The following TENM3 variants were observed in gnomAD, a reference collection of about 807,000 sequenced individuals.
The protein encoded by TENM3 is teneurin transmembrane protein 3, also known as teneurin-3.
A neutral mutation model predicts 255.1 loss-of-function variants in TENM3; 63 were observed. That is an observed-to-expected ratio of 0.25 (90% CI 0.20 to 0.30). TENM3 has a LOEUF of 0.30. Among genes scored for constraint, TENM3 ranks in the 10% least tolerant of loss-of-function variants. The pLI is 1.00. For missense variants in TENM3, 2,929 were observed against 3,461.1 expected, an observed-to-expected ratio of 0.85 and a Z score of 3.86; for synonymous variants, 1,306 against 1,322.3, an observed-to-expected ratio of 0.99 and a Z score of 0.27.
At chr4:181,783,460 T>A in the TENM3 span, among the ~76,000 whole-genome samples, 1 of 152,168 alleles carries the variant, frequency 6.6e-6, no homozygotes, top group African/African-American at 2.4e-5. Flanking sequence ...TTGTCAAATC[T>A]GCTTGAAAAA....
the TENM3 span, among the ~76,000 whole-genome samples, chr4:181,897,173 A>G: frequency 0.087 from 13,216 of 152,240 alleles, 703 homozygotes; most frequent in East Asian, 0.2. Flanking sequence ...CTGCCCCCAG[A>G]TCTGCAGCCT....
chr4:181,618,192 G>A, the TENM3 span, among the ~76,000 whole-genome samples: 3 of 152,074 alleles, frequency 2.0e-5, no homozygotes, highest in Non-Finnish European at 4.4e-5. Context: ...ATGAGTTCCC[G>A]CAGGCACTCT....
At chr4:181,911,260 A>G in the TENM3 span, among the ~76,000 whole-genome samples, 1 of 152,198 alleles carries the variant, frequency 6.6e-6, no homozygotes, top group Non-Finnish European at 1.5e-5. Flanking sequence ...ACTCCAAAGA[A>G]AAGGTCATCT....
intron 3 of TENM3, among the ~76,000 whole-genome samples, chr4:182,546,136 T>TC (rs2151910020): frequency 6.6e-6 from 1 of 152,318 alleles, no homozygotes; most frequent in East Asian, 1.9e-4. Context: ...CTTGTCATCT[T>TC]CACGCTGAGC....
chr4:182,360,905 A>G lies in TENM3; in HGVS notation c.511+13976A>G, dbSNP rs560253150. Among the ~76,000 whole-genome samples the G allele has an allele frequency of 3.9e-5, 6 of 152,232 alleles. No individual in the cohort carries two copies. The East Asian group carries it at 1.2e-3, about 29-fold the overall frequency. Reference sequence around the variant, plus strand: ...TAGTGCTTCCTTCAGGAGCTCTTTTAGGGCAGGCCTGGTGGTGACAAAATC... The same window carrying G: ...TAGTGCTTCCTTCAGGAGCTCTTTTGGGGCAGGCCTGGTGGTGACAAAATC... On this transcript the variant is annotated intron_variant, in intron 3 of 27. Transcript: ENST00000511685.
the TENM3 span, among the ~76,000 whole-genome samples, chr4:181,826,028 A>G: frequency 6.6e-6 from 1 of 152,242 alleles, no homozygotes; most frequent in African/African-American, 2.4e-5. Flanking sequence ...CCCATGCAAG[A>G]AAAACAATGA....
chr4:181,715,836 T>C, the TENM3 span, among the ~76,000 whole-genome samples: 2 of 152,198 alleles, frequency 1.3e-5, no homozygotes, highest in Non-Finnish European at 2.9e-5. Context: ...TTAATAGATA[T>C]TGGTGATATG....
At chr4:182,667,427 G>C (rs1754794719) in intron 6 of TENM3, among the ~76,000 whole-genome samples, 1 of 152,262 alleles carries the variant, frequency 6.6e-6, no homozygotes, top group East Asian at 1.9e-4. Context: ...CTGACCTTGT[G>C]ATCCACCTGC....
intron 1 of TENM3, among the ~76,000 whole-genome samples, chr4:182,251,298 T>C (rs866008258): frequency 1.3e-5 from 2 of 152,056 alleles, no homozygotes; most frequent in Non-Finnish European, 1.5e-5. Flanking sequence ...AGCGAGACCC[T>C]GTCTCTACAA....
At chr4:182,064,981 A>G in the TENM3 span, among the ~76,000 whole-genome samples, 1 of 152,136 alleles carries the variant, frequency 6.6e-6, no homozygotes, top group Non-Finnish European at 1.5e-5. Flanking sequence ...AAATGATTGT[A>G]TTAGTCATTC....
At chr4:182,462,886 CA>C (rs58892277) in intron 3 of TENM3, among the ~76,000 whole-genome samples, 78,126 of 148,356 alleles carry the variant, frequency 0.53, 20,936 homozygotes, top group East Asian at 0.74. Context: ...GACTCCATCT[CA>C]AAAAAAAAAG....
At chr4:181,820,543 C>G in the TENM3 span, among the ~76,000 whole-genome samples, 225 of 152,038 alleles carry the variant, frequency 1.5e-3, 2 homozygotes, top group East Asian at 0.042. Flanking sequence ...GCCTTCACCC[C>G]TCAGCATCAG....
At chr4:181,729,207 G>T in the TENM3 span, among the ~76,000 whole-genome samples, 1 of 152,054 alleles carries the variant, frequency 6.6e-6, no homozygotes, top group African/African-American at 2.4e-5. Context: ...GTTATTTCTC[G>T]CTGAAAAAGT....
chr4:182,392,126 T>G (rs569995317), intron 3 of TENM3, among the ~76,000 whole-genome samples: 1 of 152,322 alleles, frequency 6.6e-6, no homozygotes, highest in South Asian at 2.1e-4. Flanking sequence ...TTCTTTTATC[T>G]CAAATGGGGA....
the TENM3 span, among the ~76,000 whole-genome samples, chr4:181,471,885 T>A: frequency 1.3e-5 from 2 of 152,098 alleles, no homozygotes; most frequent in African/African-American, 4.8e-5. Context: ...TTATGGACAG[T>A]CATGCAGAAG....
intron 1 of TENM3, among the ~76,000 whole-genome samples, chr4:182,247,272 A>T (rs190944911): frequency 1.3e-3 from 196 of 152,310 alleles, no homozygotes; most frequent in Admixed American, 2.8e-3. Context: ...GAAAAACCCT[A>T]TGAAGAGCGC....
intron 2 of TENM3, among the ~76,000 whole-genome samples, chr4:182,327,973 TC>T (rs1270389294): frequency 6.6e-6 from 1 of 152,140 alleles, no homozygotes; most frequent in African/African-American, 2.4e-5. Context: ...ACTTATCAAT[TC>T]CAACAAGGAA....
chr4:182,198,250 G>A (rs767713352), intron 1 of TENM3, among the ~76,000 whole-genome samples: 4 of 152,172 alleles, frequency 2.6e-5, no homozygotes, highest in Admixed American at 6.5e-5. Context: ...TCATTTGCAC[G>A]AATAAACTCT....
At chr4:182,194,840 A>G (rs1366152721) in intron 1 of TENM3, among the ~76,000 whole-genome samples, 1 of 152,220 alleles carries the variant, frequency 6.6e-6, no homozygotes, top group African/African-American at 2.4e-5. Context: ...AATGAATTCA[A>G]ATAAAGATTG....
Sources: gnomAD v4.1 joint callset for allele counts (sites outside exome capture counted in the v4.1 genomes callset) on GRCh38, gnomAD v4.1.1 for gene constraint, MANE v1.5 for transcripts, NCBI Gene and HGNC (gene_info 2026-07-23, HGNC 2026-07-21) for gene names.